The following NFIA variants were observed in gnomAD, a reference collection of about 807,000 sequenced individuals.
NFIA encodes nuclear factor 1 A-type.
In NFIA, 8 loss-of-function variants were observed where a neutral mutation model predicts 62.8. The ratio of observed to expected loss-of-function variants is 0.13; its 90% CI spans 0.07 to 0.23. The LOEUF (loss-of-function observed/expected upper bound fraction) is 0.23. NFIA is among the 10% of genes least tolerant of loss of function. The pLI is 1.00. For missense variants in NFIA, 410 were observed against 642.1 expected (o/e 0.64, Z 3.91); for synonymous variants, 235 against 238.1 (o/e 0.99, Z 0.12).
intron 10 of NFIA, among the ~76,000 whole-genome samples, chr1:61,453,443 C>CTTTTTTTTTTTTT (rs11336299): frequency 6.5e-4 from 51 of 78,878 alleles, no homozygotes; most frequent in East Asian, 1.3e-3. Flanking sequence ...TGTGAAGAAA[C>CTTTTTTTTTTTTT]TTTTTTTTTT....
At chr1:61,277,629 A>G (rs775753404) in intron 3 of NFIA, 44 bp downstream of exon 3, 3 of 1,599,250 alleles carry the variant, frequency 1.9e-6, no homozygotes, top group Non-Finnish European at 1.7e-6. Flanking sequence ...CAGAGTCCAC[A>G]GCAGCCAGCA....
chr1:61,409,781 G>T lies in NFIA; in HGVS notation c.1420+3054G>T, dbSNP rs536196506. On this transcript the variant is annotated intron_variant, in intron 9 of 10. Transcript: ENST00000403491. Reference sequence around the variant, plus strand: ...GGCATGAAGGTGCGGGTGGCAGTGTGCTTCCCACCAGCACCTGTCCCCGAA... The same window carrying T: ...GGCATGAAGGTGCGGGTGGCAGTGTTCTTCCCACCAGCACCTGTCCCCGAA... 6.6e-5 allele frequency among the ~76,000 whole-genome samples: 10 copies of T among 152,260 alleles called. No homozygotes were observed. In the South Asian group the frequency reaches 2.1e-3, roughly 32 times the overall value.
chr1:61,200,003 T>G (rs1474248866), intron 2 of NFIA, among the ~76,000 whole-genome samples: 1 of 68,588 alleles, frequency 1.5e-5, no homozygotes, highest in Non-Finnish European at 2.8e-5. Context: ...TCACAAAATA[T>G]ATATATGTAT....
chr1:61,396,195 A>G (rs1484089843), intron 7 of NFIA, among the ~76,000 whole-genome samples: 3 of 152,148 alleles, frequency 2.0e-5, no homozygotes, highest in Non-Finnish European at 4.4e-5. Flanking sequence ...TATTCCTAAA[A>G]AATGCCCTAG....
chr1:61,139,775 C>T (rs1212928968), intron 2 of NFIA, among the ~76,000 whole-genome samples: 4 of 148,940 alleles, frequency 2.7e-5, no homozygotes, highest in African/African-American at 1.0e-4. Context: ...ATGTCATGAG[C>T]TGAACTATTA....
intron 2 of NFIA, among the ~76,000 whole-genome samples, chr1:61,114,709 T>C (rs1238716270): frequency 1.3e-5 from 2 of 152,168 alleles, no homozygotes. Context: ...CTTTTAATGG[T>C]TTATCATTGA....
chr1:61,144,752 C>T (rs1398670741), intron 2 of NFIA, among the ~76,000 whole-genome samples: 1 of 152,206 alleles, frequency 6.6e-6, no homozygotes, highest in Non-Finnish European at 1.5e-5. Context: ...GATCCAGCAC[C>T]TGGCCTGGCA....
chr1:61,211,749 G>A (rs2100604264), intron 2 of NFIA, among the ~76,000 whole-genome samples: 1 of 152,282 alleles, frequency 6.6e-6, no homozygotes, highest in South Asian at 2.1e-4. Flanking sequence ...CCAGGCTGGA[G>A]TTCAGTGGTG....
chr1:61,215,964 G>A (rs1208494966), intron 2 of NFIA, among the ~76,000 whole-genome samples: 1 of 152,170 alleles, frequency 6.6e-6, no homozygotes, highest in Non-Finnish European at 1.5e-5. Flanking sequence ...ATGCTTGATG[G>A]CTTATTTGCC....
chr1:61,446,284 A>G (rs1459053973), intron 10 of NFIA, among the ~76,000 whole-genome samples: 5 of 152,178 alleles, frequency 3.3e-5, no homozygotes, highest in African/African-American at 9.7e-5. Context: ...TGCTGCCTGT[A>G]TGTCTTGTTT....
At chr1:61,374,847 A>T (rs1179434224) in intron 6 of NFIA, among the ~76,000 whole-genome samples, 1 of 152,208 alleles carries the variant, frequency 6.6e-6, no homozygotes, top group Non-Finnish European at 1.5e-5. Flanking sequence ...TGATTTTAAA[A>T]CATTTTTATT....
At chr1:61,237,335 G>A (rs1249385039) in intron 2 of NFIA, among the ~76,000 whole-genome samples, 5 of 152,166 alleles carry the variant, frequency 3.3e-5, no homozygotes, top group Non-Finnish European at 7.4e-5. Context: ...GGTTACATGA[G>A]TAAGTTCTTT....
At chr1:61,288,113 A>G (rs896700750) in intron 3 of NFIA, among the ~76,000 whole-genome samples, 1 of 152,226 alleles carries the variant, frequency 6.6e-6, no homozygotes, top group South Asian at 2.1e-4. Flanking sequence ...AAGTGAGTGT[A>G]TAAGTTTAAT....
chr1:61,368,687 A>G lies in NFIA; in HGVS notation c.946+9413A>G, dbSNP rs561604751. 8.5e-5 allele frequency among the ~76,000 whole-genome samples: 13 copies of G among 152,358 alleles called. No homozygotes were observed. In the East Asian group the frequency reaches 2.5e-3, roughly 29 times the overall value. On this transcript the variant is annotated intron_variant, in intron 6 of 10. Transcript: ENST00000403491. ...CGTGCAGGGCACTATACATATTTTT[A>G]ATATACGCAAAGTATATTTAATAAA...
intron 1 of NFIA, among the ~76,000 whole-genome samples, chr1:61,087,223 A>G (rs1646233825): frequency 1.3e-5 from 2 of 152,132 alleles, no homozygotes; most frequent in African/African-American, 4.8e-5. Flanking sequence ...CATCTTGTAA[A>G]TATTGAAAAT....
chr1:61,314,426 G>A (rs950035582), intron 3 of NFIA, among the ~76,000 whole-genome samples: 4 of 152,098 alleles, frequency 2.6e-5, no homozygotes, highest in Non-Finnish European at 4.4e-5. Flanking sequence ...ACTTGCTTAA[G>A]GTCACAAAGC....
rs1665705693 is a variant in NFIA, at chr1:61,404,171, T to G, written c.1143T>G (p.Pro381=). The change falls in exon 8 of 11, where the codon CCT becomes CCG. Residue 381 remains proline (P), a synonymous_variant. Transcript: ENST00000403491. ...CACCCATTATCCAGCAGCCTGGGCC[T>G]TACTTCTCACACCCAGCCATCCGCT... ...PTSPIIQQPG[P]YFSHPAIRYH... 1 of 1,614,086 alleles carries G rather than the reference T, an allele frequency of 6.2e-7. No individual in the cohort carries two copies. Among genetic ancestry groups the G allele is most frequent in the South Asian group, 1.1e-5 (1 of 91,082 alleles).
At chr1:61,270,589 A>G (rs1425973674) in intron 2 of NFIA, among the ~76,000 whole-genome samples, 1 of 152,214 alleles carries the variant, frequency 6.6e-6, no homozygotes, top group African/African-American at 2.4e-5. Flanking sequence ...GAAAGAATAC[A>G]GGGACATTTT....
chr1:61,436,202 C>A (rs975397045), intron 10 of NFIA, among the ~76,000 whole-genome samples: 2 of 152,244 alleles, frequency 1.3e-5, no homozygotes, highest in Middle Eastern at 3.4e-3. Context: ...ACCAAACAGG[C>A]AGCAATAGGT....
Sources: gnomAD v4.1 joint callset for allele counts (sites outside exome capture counted in the v4.1 genomes callset) on GRCh38, gnomAD v4.1.1 for gene constraint, MANE v1.5 for transcripts, NCBI Gene and HGNC (gene_info 2026-07-23, HGNC 2026-07-21) for gene names.